The following FADS3 variants were observed in gnomAD, a reference collection of about 807,000 sequenced individuals.
The protein encoded by FADS3 is cytochrome b5-related protein.
FADS3 carries 30 observed loss-of-function variants against 60.4 expected under a neutral mutation model. The ratio of observed to expected loss-of-function variants is 0.50; its 90% CI spans 0.37 to 0.67. The LOEUF (loss-of-function observed/expected upper bound fraction) is 0.67, where lower values mean the gene tolerates loss of function less well. FADS3 is among the 30% of genes least tolerant of loss of function. The pLI is 0.00. For missense variants in FADS3, 432 were observed against 598.3 expected, an observed-to-expected ratio of 0.72 and a Z score of 2.90; for synonymous variants, 234 against 249.3, an observed-to-expected ratio of 0.94 and a Z score of 0.58.
chr11:61,874,644 T>G (rs1334383053), intron 11 of FADS3, among the ~76,000 whole-genome samples: 5 of 152,230 alleles, frequency 3.3e-5, no homozygotes, highest in Non-Finnish European at 5.9e-5. Flanking sequence ...CTGCCTCGGC[T>G]ATCTATGCCA....
Position 61,877,985 on chromosome 11 carries a change from T to A in FADS3, c.808+170A>T. On this transcript the variant is annotated intron_variant, in intron 6 of 11. Coordinates refer to ENST00000278829, the MANE Select transcript of FADS3 (RefSeq NM_021727.5). The surrounding 1 kb of genome is among the most constrained non-coding windows in gnomAD (Gnocchi z 4.7). ...ACGGGAGACAGCTGGGGCAAAGGCA[T>A]GCTGCTGGGAGAGTGTGTACAGACT... is the stretch of plus-strand genomic sequence containing the variant. 1.5e-6 allele frequency: 1 copy of A among 667,484 alleles called. No individual in the cohort carries two copies. Among genetic ancestry groups the A allele is most frequent in the South Asian group, 1.8e-5 (1 of 56,728 alleles). 41.3% of individuals were successfully genotyped at this position (667,484 alleles called of 1,614,324 possible).
At chr11:61,891,560 T>TC, upstream of FADS3, 1 of 297,316 alleles carries the variant, frequency 3.4e-6, no homozygotes, top group Non-Finnish European at 5.8e-6. Context: ...CGCAGGGAAC[T>TC]CCCCGCCTTA....
rs11607949 is a variant in FADS3, at chr11:61,876,401, C to T, written c.1038G>A (p.Lys346=). 1.2e-6 allele frequency: 2 copies of T among 1,613,456 alleles called. No homozygotes were observed. The highest frequency in any genetic ancestry group is 1.7e-6 in the Non-Finnish European group (2 of 1,180,026). The change falls in exon 9 of 12, where the codon AAG becomes AAA. Residue 346 remains lysine, a synonymous_variant. Coordinates refer to ENST00000278829, the MANE Select transcript of FADS3 (RefSeq NM_021727.5). This position sits in a 1 kb window ranked among gnomAD's most constrained non-coding sequence, Gnocchi z 5.7. The part of the protein sequence containing the change: ...VWITQMNHIP[K]EIGHEKHRDW... ...CCCGGTGCTTCTCGTGGCCGATCTC[C>T]TTGGGGATGTGGTTCATCTGTGTGA...
rs536202130 is a variant in FADS3, at chr11:61,876,460, G to C, written c.984-5C>G. 9.3e-6 allele frequency: 15 copies of C among 1,612,430 alleles called. No homozygotes were observed. The African/African-American group carries it at 1.9e-4, about 20-fold the overall frequency. ...AACCAGTGGCTTTCCAGGACCCTGT[G>C]GGGAGGCTCGGGCACTGCCCTAGGT... On this transcript the variant is annotated splice_region_variant and splice_polypyrimidine_tract_variant and intron_variant, in intron 8 of 11. Transcript: ENST00000278829. The surrounding 1 kb of genome is among the most constrained non-coding windows in gnomAD (Gnocchi z 5.7).
rs1022546521 is a variant in FADS3 at position 61,877,328 on chromosome 11, G to A, written c.885+183C>T. On this transcript the variant is annotated intron_variant, in intron 7 of 11. Coordinates refer to ENST00000278829, the MANE Select transcript of FADS3 (RefSeq NM_021727.5). This position sits in a 1 kb window ranked among gnomAD's most constrained non-coding sequence, Gnocchi z 4.7. ...CCCCCCCCACCACACGTACAGTCAC[G>A]GGCACACTCGCTCTCCTGCTGCGCG... The A allele has an allele frequency of 8.0e-6, 4 of 501,394 alleles. No individual in the cohort carries two copies. Among genetic ancestry groups the A allele is most frequent in the Admixed American group, 3.6e-5 (1 of 28,104 alleles). The allele number at this position is 501,394 out of a possible 1,614,324, so 31.1% of individuals were successfully genotyped here.
In FADS3 at chr11:61,877,301, A is replaced by ACC. The variant is rs573487168; in HGVS notation, c.885+208_885+209dup. 29 of 126,606 alleles carry ACC rather than the reference A, an allele frequency of 2.3e-4. No individual in the cohort carries two copies. The highest frequency in any genetic ancestry group is 1.1e-3 in the African/African-American group (23 of 21,298). 7.8% of individuals were successfully genotyped at this position (126,606 alleles called of 1,614,324 possible). A position where few individuals can be genotyped will look rare whatever the true frequency, so the allele number is the denominator to read the frequency against. ...AGACCCACACCCCCCCTGTTCCTCA[A>ACC]CCCCCCCCCACCACACGTACAGTCA... On this transcript the variant is annotated intron_variant, in intron 7 of 11. Coordinates refer to ENST00000278829, the MANE Select transcript of FADS3 (RefSeq NM_021727.5). This position sits in a 1 kb window ranked among gnomAD's most constrained non-coding sequence, Gnocchi z 4.7.
At chr11:61,890,428 A>G (rs552784784) in intron 1 of FADS3, 8 of 152,446 alleles carry the variant, frequency 5.2e-5, no homozygotes, top group Admixed American at 3.9e-4. Context: ...GGTCAAGGAC[A>G]GGGCATCGTG....
chr11:61,889,450 G>A (rs1031649743), intron 1 of FADS3, among the ~76,000 whole-genome samples: 1 of 151,900 alleles, frequency 6.6e-6, no homozygotes, highest in Non-Finnish European at 1.5e-5. Flanking sequence ...AGGAGTTCGA[G>A]ACCAGCTTGG....
In FADS3 at chr11:61,875,876, G is replaced by C; in HGVS notation, c.1261C>G (p.Leu421Val). The change falls in exon 11 of 12, where the codon CTC (leucine) becomes GTC (valine). Residue 421 changes from leucine (L) to valine (V), a missense_variant. Physicochemically the swap from Leu to Val is conservative, Grantham distance 32. This residue lies in a region of FADS3 where 63 missense variants were observed against 64.5 expected (regional missense o/e 0.98). Transcript: ENST00000278829. ...CTGACGATGTCCACCAGCGCGGTGA[G>C]GAAGGGCTTCACTTCGTAGCTGAGG... ...HGLSYEVKPF[L>V]TALVDIVRSL... 1.2e-6 allele frequency: 2 copies of C among 1,613,644 alleles called. No individual in the cohort carries two copies. Among genetic ancestry groups the C allele is most frequent in the Non-Finnish European group, 1.7e-6 (2 of 1,179,926 alleles).
At chr11:61,892,203 C>T (rs1037436312), upstream of FADS3, among the ~76,000 whole-genome samples, 3 of 152,134 alleles carry the variant, frequency 2.0e-5, no homozygotes, top group Middle Eastern at 3.2e-3. Context: ...CGGGCGCTGC[C>T]ATCCATGGGC....
intron 1 of FADS3, chr11:61,886,129 G>C (rs1266672208): frequency 6.6e-6 from 1 of 152,314 alleles, no homozygotes; most frequent in Admixed American, 6.5e-5. Flanking sequence ...CAATGTCCTG[G>C]TGAAGGGTGG....
rs546145160 is a variant in FADS3 at position 61,878,061 on chromosome 11, G to A, written c.808+94C>T. 235 of 1,127,190 alleles carry A rather than the reference G, an allele frequency of 2.1e-4. No homozygotes were observed. The highest frequency in any genetic ancestry group is 2.6e-4 in the Non-Finnish European group (196 of 743,122). 69.8% of individuals were successfully genotyped at this position (1,127,190 alleles called of 1,614,324 possible). A position where few individuals can be genotyped will look rare whatever the true frequency, so the allele number is the denominator to read the frequency against. The stretch of plus-strand genomic sequence containing the variant: ...CAGGGAGACCTGACAGACGTGCCCC[G>A]CCCCAGGAAGTGGCTGGGAGTGGTC... On this transcript the variant is annotated intron_variant, in intron 6 of 11. Coordinates refer to ENST00000278829, the MANE Select transcript of FADS3 (RefSeq NM_021727.5).
chr11:61,891,277 G>A lies in FADS3; in HGVS notation c.105C>T (p.Gly35=). 4 of 1,538,112 alleles carry A rather than the reference G, an allele frequency of 2.6e-6. No individual in the cohort carries two copies. ...GGCGCTCGATGACCAGCCACTTGTC[G>A]CCGGGCTGGTCGTGCGCGCGGATCT... is the stretch of plus-strand genomic sequence containing the variant. The part of the protein sequence containing the change: ...WEQIRAHDQP[G]DKWLVIERRV... Residue 35 remains glycine, a synonymous_variant, in exon 1 of 12, where the codon GGC becomes GGT. Coordinates refer to ENST00000278829, the MANE Select transcript of FADS3 (RefSeq NM_021727.5).
chr11:61,877,358 CAT>C lies in FADS3; in HGVS notation c.885+151_885+152del, dbSNP rs945096845. The C allele has an allele frequency of 7.1e-5, 47 of 659,058 alleles. No individual in the cohort carries two copies. Among genetic ancestry groups the C allele is most frequent in the Middle Eastern group, 8.6e-4 (2 of 2,320 alleles). 40.8% of individuals were successfully genotyped at this position (659,058 alleles called of 1,614,324 possible). ...CACTCGCTCTCCTGCTGCGCGCACACATGTGAGCCACACTGTTGCACGCATAC... is the reference window on the plus strand; with the variant it reads ...CACTCGCTCTCCTGCTGCGCGCACACGTGAGCCACACTGTTGCACGCATAC... On this transcript the variant is annotated intron_variant, in intron 7 of 11. Coordinates refer to ENST00000278829, the MANE Select transcript of FADS3 (RefSeq NM_021727.5). This position sits in a 1 kb window ranked among gnomAD's most constrained non-coding sequence, Gnocchi z 4.7.
upstream of FADS3, chr11:61,891,817 TG>T (rs1938532189): frequency 6.6e-6 from 1 of 152,118 alleles, no homozygotes; most frequent in Non-Finnish European, 1.5e-5. Flanking sequence ...TCCAGGTTCT[TG>T]ACTCCACCCG....
In FADS3 at chr11:61,877,351, GCGCACACATGTGAGCCACACTGTTGCA is replaced by G; in HGVS notation, c.885+133_885+159del. ...ACGGGCACACTCGCTCTCCTGCTGC[GCGCACACATGTGAGCCACACTGTTGCA>G]CGCATACATGTGAGCCACACTGTTG... On this transcript the variant is annotated intron_variant, in intron 7 of 11. Coordinates refer to ENST00000278829, the MANE Select transcript of FADS3 (RefSeq NM_021727.5). This position sits in a 1 kb window ranked among gnomAD's most constrained non-coding sequence, Gnocchi z 4.7. 3.2e-6 allele frequency: 2 copies of G among 620,396 alleles called. No individual in the cohort carries two copies. The highest frequency in any genetic ancestry group is 1.9e-5 in the South Asian group (1 of 53,386). 38.4% of individuals were successfully genotyped at this position (620,396 alleles called of 1,614,324 possible).
At chr11:61,880,641 C>T (rs116672159) in intron 1 of FADS3, 11,574 of 153,042 alleles carry the variant, frequency 0.076, 485 homozygotes, top group African/African-American at 0.1. Flanking sequence ...GGTCACGGGG[C>T]GGGGGGATCA....
chr11:61,889,518 G>T (rs1346421542), intron 1 of FADS3, among the ~76,000 whole-genome samples: 4 of 152,142 alleles, frequency 2.6e-5, no homozygotes, highest in Admixed American at 2.6e-4. Context: ...GTGGTGGCGC[G>T]TGCCCGTAAT....
upstream of FADS3, chr11:61,891,716 C>G (rs1432293191): frequency 6.6e-6 from 1 of 152,522 alleles, no homozygotes; most frequent in East Asian, 1.9e-4. Flanking sequence ...AGGGCGGCGT[C>G]GAGGCGGCCC....
Sources: gnomAD v4.1 joint callset for allele counts (sites outside exome capture counted in the v4.1 genomes callset) on GRCh38, gnomAD v4.1.1 for gene constraint, gnomAD v4.1.1 regional missense constraint, Gnocchi (gnomAD v3.1) non-coding constraint, MANE v1.5 for transcripts, NCBI Gene and HGNC (gene_info 2026-07-23, HGNC 2026-07-21) for gene names.